The following IMMP2L variants were observed in gnomAD, a reference collection of about 807,000 sequenced individuals.
IMMP2L encodes the protein mitochondrial inner membrane protease subunit 2.
In IMMP2L, 18 loss-of-function variants were observed where a neutral mutation model predicts 19.3. That is an observed-to-expected ratio of 0.93 (90% CI 0.64 to 1.38). The LOEUF (loss-of-function observed/expected upper bound fraction) is 1.38, where lower values mean the gene tolerates loss of function less well. Among genes scored for constraint, IMMP2L ranks in the 40% most tolerant of loss-of-function variants. The probability of loss-of-function intolerance (pLI) is 0.00; values close to 1 mark genes in which losing one functional copy is unlikely to be tolerated. For missense variants in IMMP2L, 233 were observed against 218.2 expected, an observed-to-expected ratio of 1.07 and a Z score of -0.43; for synonymous variants, 76 against 73.0, an observed-to-expected ratio of 1.04 and a Z score of -0.21.
At chr7:111,491,530 C>T (rs1762081441) in intron 2 of IMMP2L, among the ~76,000 whole-genome samples, 3 of 152,124 alleles carry the variant, frequency 2.0e-5, no homozygotes, top group Admixed American at 2.0e-4. Flanking sequence ...TCTCTACCCC[C>T]AGGTTCCTCC....
At chr7:111,560,492 T>C (rs1257065408) in intron 1 of IMMP2L, among the ~76,000 whole-genome samples, 1 of 152,216 alleles carries the variant, frequency 6.6e-6, no homozygotes, top group African/African-American at 2.4e-5. Flanking sequence ...ATAACATTAT[T>C]CATTATAGGA....
intron 3 of IMMP2L, among the ~76,000 whole-genome samples, chr7:111,216,391 T>G (rs1427291290): frequency 6.6e-6 from 1 of 152,190 alleles, no homozygotes; most frequent in Non-Finnish European, 1.5e-5. Flanking sequence ...AGTTTTGGAA[T>G]ATATTTTTAT....
intron 3 of IMMP2L, among the ~76,000 whole-genome samples, chr7:111,263,923 T>G (rs1220327082): frequency 6.6e-6 from 1 of 152,160 alleles, no homozygotes; most frequent in Admixed American, 6.6e-5. Flanking sequence ...TTTTGCAACA[T>G]GCAGGTTGCT....
intron 5 of IMMP2L, among the ~76,000 whole-genome samples, chr7:110,837,029 T>G (rs1029263955): frequency 1.3e-5 from 2 of 152,140 alleles, no homozygotes; most frequent in African/African-American, 4.8e-5. Flanking sequence ...TCATAAAAAT[T>G]AAAGGCAGAA....
At chr7:111,195,052 T>C (rs1239212549) in intron 3 of IMMP2L, among the ~76,000 whole-genome samples, 1 of 152,116 alleles carries the variant, frequency 6.6e-6, no homozygotes, top group East Asian at 1.9e-4. Flanking sequence ...ATTTAGTATA[T>C]TTATTTAATA....
chr7:111,307,232 G>A (rs931476215), intron 3 of IMMP2L, among the ~76,000 whole-genome samples: 7 of 151,604 alleles, frequency 4.6e-5, no homozygotes, highest in African/African-American at 1.7e-4. Context: ...TTATATATTT[G>A]CTCTAAATGG....
intron 3 of IMMP2L, among the ~76,000 whole-genome samples, chr7:111,349,834 A>G (rs1048735849): frequency 6.6e-6 from 1 of 152,210 alleles, no homozygotes; most frequent in Admixed American, 6.6e-5. Context: ...GTCTCTCAGG[A>G]GCCCTCTCCC....
At chr7:111,212,148 GTCTCTC>G (rs938901697) in intron 3 of IMMP2L, among the ~76,000 whole-genome samples, 2 of 150,430 alleles carry the variant, frequency 1.3e-5, no homozygotes, top group African/African-American at 5.0e-5. Flanking sequence ...AGATCTCTCT[GTCTCTC>G]TCTCTGTCTC....
At chr7:110,762,457 G>A (rs2130975003) in intron 5 of IMMP2L, among the ~76,000 whole-genome samples, 1 of 152,164 alleles carries the variant, frequency 6.6e-6, no homozygotes, top group Admixed American at 6.6e-5. Flanking sequence ...TAACGAACAT[G>A]TTCATTTGAA....
chr7:110,815,271 T>C (rs181270648), intron 5 of IMMP2L, among the ~76,000 whole-genome samples: 10 of 152,272 alleles, frequency 6.6e-5, no homozygotes, highest in African/African-American at 1.9e-4. Flanking sequence ...ATTACATTTA[T>C]TGATTTGCGT....
chr7:111,010,813 G>A (rs78918706), intron 3 of IMMP2L, among the ~76,000 whole-genome samples: 166 of 152,188 alleles, frequency 1.1e-3, no homozygotes, highest in African/African-American at 3.9e-3. Context: ...TACAATCATA[G>A]GTCATGTTTT....
In IMMP2L at chr7:111,411,086, T is replaced by C. The variant is rs540481374; in HGVS notation, c.239+76152A>G. On this transcript the variant is annotated intron_variant, in intron 3 of 5. Transcript: ENST00000405709. ...AAAACCATGACATGATATAATCAAA[T>C]TGCTAAAAAAAAAAAAAAAAAGTAA... 2.9e-3 allele frequency among the ~76,000 whole-genome samples: 379 copies of C among 132,856 alleles called. 10 individuals are homozygous for C. Among genetic ancestry groups the C allele is most frequent in the African/African-American group, 0.011 (363 of 33,908 alleles). 87.2% of individuals were successfully genotyped at this position (132,856 alleles called of 152,430 possible).
At chr7:111,100,118 T>C (rs1180199895) in intron 3 of IMMP2L, among the ~76,000 whole-genome samples, 1 of 151,632 alleles carries the variant, frequency 6.6e-6, no homozygotes, top group Non-Finnish European at 1.5e-5. Context: ...GTGTCTTCCT[T>C]AGCATGTATT....
intron 4 of IMMP2L, among the ~76,000 whole-genome samples, chr7:110,933,455 CCTA>C (rs1434792330): frequency 6.6e-6 from 1 of 152,192 alleles, no homozygotes; most frequent in Admixed American, 6.6e-5. Flanking sequence ...CTCTGAATAT[CCTA>C]CTCACACAAC....
intron 3 of IMMP2L, among the ~76,000 whole-genome samples, chr7:111,327,825 AC>A (rs1271015795): frequency 6.6e-6 from 1 of 151,646 alleles, no homozygotes; most frequent in Non-Finnish European, 1.5e-5. Flanking sequence ...AACATAGTGT[AC>A]ATAATACAAG....
intron 3 of IMMP2L, among the ~76,000 whole-genome samples, chr7:111,401,976 G>A (rs1833459776): frequency 1.3e-5 from 2 of 151,632 alleles, no homozygotes; most frequent in Admixed American, 6.6e-5. Context: ...CAGGTAGGGT[G>A]GCATGCATCT....
chr7:110,989,936 T>C (rs1374655128), intron 3 of IMMP2L, among the ~76,000 whole-genome samples: 1 of 152,212 alleles, frequency 6.6e-6, no homozygotes, highest in Middle Eastern at 3.4e-3. Context: ...TATTAAGCTA[T>C]GTAAACAAAA....
Position 110,861,098 on chromosome 7 carries a change from T to TGAGA in IMMP2L, c.408+25491_408+25494dup, listed in dbSNP as rs5886583. On this transcript the variant is annotated intron_variant, in intron 5 of 5. Coordinates refer to ENST00000405709, the MANE Select transcript of IMMP2L (RefSeq NM_032549.4). ...GTGTGTGTGTGTGTGTGTGTGTGTG[T>TGAGA]GAGAGAGAGAGAGAGAGAGAGAGAG... is the stretch of plus-strand genomic sequence containing the variant. 1.5e-3 allele frequency among the ~76,000 whole-genome samples: 214 copies of TGAGA among 141,688 alleles called. 1 individual carries two copies. The highest frequency in any genetic ancestry group is 0.012 in the East Asian group (55 of 4,750). The allele number at this position is 141,688 out of a possible 152,430, so 93.0% of individuals were successfully genotyped here. A position where few individuals can be genotyped will look rare whatever the true frequency, so the allele number is the denominator to read the frequency against.
chr7:111,311,339 G>A (rs1823493277), intron 3 of IMMP2L, among the ~76,000 whole-genome samples: 1 of 152,036 alleles, frequency 6.6e-6, no homozygotes, highest in Admixed American at 6.6e-5. Context: ...AAGAAAGGCA[G>A]GCAGGCAGGG....
Sources: gnomAD v4.1 joint callset for allele counts (sites outside exome capture counted in the v4.1 genomes callset) on GRCh38, gnomAD v4.1.1 for gene constraint, MANE v1.5 for transcripts, NCBI Gene and HGNC (gene_info 2026-07-23, HGNC 2026-07-21) for gene names.